Variants in BEND4 observed in about 807,000 individuals in gnomAD.
The protein encoded by BEND4 is BEN domain containing 4, also known as BEN domain-containing protein 4.
A neutral mutation model predicts 54.7 loss-of-function variants in BEND4; 27 were observed. The observed-to-expected ratio is 0.49, with a 90% CI of 0.36 to 0.68. BEND4 has a LOEUF of 0.68. Among genes scored for constraint, BEND4 ranks in the 30% least tolerant of loss-of-function variants. The pLI, the probability that BEND4 is intolerant of heterozygous loss-of-function variation, is 0.00. For missense variants in BEND4, 702 were observed against 697.2 expected, an observed-to-expected ratio of 1.01 and a Z score of -0.08; for synonymous variants, 327 against 299.5, an observed-to-expected ratio of 1.09 and a Z score of -0.95.
intron 4 of BEND4, among the ~76,000 whole-genome samples, chr4:42,123,694 GAAAAAA>G (rs71664396): frequency 2.0e-5 from 1 of 50,808 alleles, no homozygotes; most frequent in African/African-American, 7.5e-5. Flanking sequence ...CTGTAATTCA[GAAAAAA>G]AAAAAAAAAA....
chr4:42,151,242 G>A (rs3923787), intron 2 of BEND4: 32,321 of 159,738 alleles, frequency 0.2, 3,432 homozygotes, highest in African/African-American at 0.26. Flanking sequence ...GGAAGAAGGA[G>A]AAAGGGAAAA....
chr4:42,135,073 C>T (rs1283780281), intron 3 of BEND4, among the ~76,000 whole-genome samples: 1 of 152,104 alleles, frequency 6.6e-6, no homozygotes, highest in Non-Finnish European at 1.5e-5. Flanking sequence ...GGGGAGAGAC[C>T]AGAGTCTGGT....
At chr4:42,120,339 C>T in intron 4 of BEND4, 45 bp from the exon 5 acceptor site, 1 of 1,578,930 alleles carries the variant, frequency 6.3e-7, no homozygotes, top group Admixed American at 1.7e-5. Flanking sequence ...AGCCAGCCAG[C>T]CAGAAGCAGA....
intron 4 of BEND4, among the ~76,000 whole-genome samples, chr4:42,122,337 C>T (rs1235748186): frequency 6.6e-6 from 1 of 152,026 alleles, no homozygotes; most frequent in Non-Finnish European, 1.5e-5. Context: ...GGAGACCAGC[C>T]GTCTCCCACC....
intron 4 of BEND4, among the ~76,000 whole-genome samples, chr4:42,125,318 GCAAACAGA>G (rs1720230008): frequency 6.6e-6 from 1 of 152,182 alleles, no homozygotes; most frequent in African/African-American, 2.4e-5. Context: ...GCATCTCTGT[GCAAACAGA>G]ATGGTGGAAA....
intron 2 of BEND4, among the ~76,000 whole-genome samples, chr4:42,148,667 A>T (rs1169515367): frequency 6.6e-6 from 1 of 152,234 alleles, no homozygotes; most frequent in East Asian, 1.9e-4. Flanking sequence ...GTTGAAGAAG[A>T]TAAAATATCT....
At chr4:42,146,252 G>A (rs973097793) in intron 2 of BEND4, among the ~76,000 whole-genome samples, 3 of 152,108 alleles carry the variant, frequency 2.0e-5, no homozygotes, top group Non-Finnish European at 2.9e-5. Context: ...GTGTGGACTG[G>A]GACCTCCACA....
In BEND4 at chr4:42,121,836, G is replaced by A. The variant is rs190251555; in HGVS notation, c.1147-1542C>T. Among the ~76,000 whole-genome samples the A allele has an allele frequency of 2.2e-4, 34 of 152,294 alleles. No homozygotes were observed. In the East Asian group the frequency reaches 4.8e-3, roughly 22 times the overall value. Reference sequence around the variant, plus strand: ...CAATTCCATGGGCCAGGGTATGTACGGGAGACTGAGGAAGCAAGATGATCC... The same window carrying A: ...CAATTCCATGGGCCAGGGTATGTACAGGAGACTGAGGAAGCAAGATGATCC... On this transcript the variant is annotated intron_variant, in intron 4 of 5. Transcript: ENST00000502486.
intron 3 of BEND4, among the ~76,000 whole-genome samples, chr4:42,128,201 A>G (rs1353852073): frequency 6.6e-6 from 1 of 152,224 alleles, no homozygotes; most frequent in Non-Finnish European, 1.5e-5. Flanking sequence ...AAAAATTTTT[A>G]TAATAAGAGT....
At chr4:42,121,287 T>C (rs953357914) in intron 4 of BEND4, among the ~76,000 whole-genome samples, 1 of 152,164 alleles carries the variant, frequency 6.6e-6, no homozygotes, top group African/African-American at 2.4e-5. Flanking sequence ...GGAAATGGCA[T>C]AGGAACCAAC....
intron 2 of BEND4, among the ~76,000 whole-genome samples, chr4:42,145,763 A>G (rs1273609841): frequency 1.3e-5 from 2 of 152,056 alleles, no homozygotes; most frequent in Non-Finnish European, 1.5e-5. Context: ...AGCATGCCTT[A>G]CATCTCCCAA....
chr4:42,145,355 G>A (rs1721039454), intron 2 of BEND4, among the ~76,000 whole-genome samples: 1 of 152,114 alleles, frequency 6.6e-6, no homozygotes, highest in Non-Finnish European at 1.5e-5. Flanking sequence ...AAGATAGTCA[G>A]AGGAGAGGGG....
intron 2 of BEND4, among the ~76,000 whole-genome samples, chr4:42,149,509 G>A (rs1014839989): frequency 2.4e-4 from 36 of 152,148 alleles, no homozygotes; most frequent in African/African-American, 8.2e-4. Context: ...GTGCTATCAA[G>A]CTTACCCCTC....
At chr4:42,138,896 T>G (rs1207684554) in intron 3 of BEND4, among the ~76,000 whole-genome samples, 1 of 152,250 alleles carries the variant, frequency 6.6e-6, no homozygotes, top group Non-Finnish European at 1.5e-5. Flanking sequence ...AAGATAATTA[T>G]TATGTACAAT....
At chr4:42,137,889 T>A (rs1398125258) in intron 3 of BEND4, among the ~76,000 whole-genome samples, 1 of 152,168 alleles carries the variant, frequency 6.6e-6, no homozygotes, top group East Asian at 1.9e-4. Context: ...AAAACCACTA[T>A]AAGACACCAC....
At chr4:42,150,794 C>T (rs1318985570) in intron 2 of BEND4, among the ~76,000 whole-genome samples, 4 of 152,194 alleles carry the variant, frequency 2.6e-5, no homozygotes, top group Non-Finnish European at 5.9e-5. Flanking sequence ...GAGTCGCGGA[C>T]CCCAGAGTGG....
chr4:42,114,250 C>T lies in BEND4; in HGVS notation c.*3268G>A, dbSNP rs1719705303. The stretch of plus-strand genomic sequence containing the variant: ...CATTTGAGGGTCATCCTGAGCCTGG[C>T]TGGAACTGAGCTTGGGGCTTCAACT... On this transcript the variant is annotated 3_prime_UTR_variant, in exon 6 of 6. Coordinates refer to ENST00000502486, the MANE Select transcript of BEND4 (RefSeq NM_207406.4). The T allele has an allele frequency of 6.6e-6, 1 of 152,196 alleles. No individual in the cohort carries two copies. The allele number at this position is 152,196 out of a possible 1,614,324, so 9.4% of individuals were successfully genotyped here.
chr4:42,152,440 C>A (rs892621840), intron 1 of BEND4, 64 bp from the exon 2 acceptor site: 1 of 169,252 alleles, frequency 5.9e-6, no homozygotes, highest in East Asian at 1.6e-4. Flanking sequence ...ATAATGGGGG[C>A]GGGGCGGGGC....
At position 42,151,958 on chromosome 4, in the gene BEND4, G is replaced by A. The variant is rs1375938460; in HGVS notation, c.186C>T (p.Phe62=). 4.0e-6 allele frequency: 5 copies of A among 1,248,382 alleles called. No individual in the cohort carries two copies. The highest frequency in any genetic ancestry group is 5.0e-6 in the Non-Finnish European group (5 of 992,896). The allele number at this position is 1,248,382 out of a possible 1,614,324, so 77.3% of individuals were successfully genotyped here. A position where few individuals can be genotyped will look rare whatever the true frequency, so the allele number is the denominator to read the frequency against. Residue 62 remains phenylalanine (F), a synonymous_variant, in exon 2 of 6, where the codon TTC becomes TTT. Coordinates refer to ENST00000502486, the MANE Select transcript of BEND4 (RefSeq NM_207406.4). The stretch of plus-strand genomic sequence containing the variant: ...TGATGGAGACGGCGGCGTGCGGCGC[G>A]AAGGGCGGCGGGGGCGGCGGGGGCG... ...VRAPPPPPPP[F]APHAAVSISS...
Sources: gnomAD v4.1 joint callset for allele counts (sites outside exome capture counted in the v4.1 genomes callset) on GRCh38, gnomAD v4.1.1 for gene constraint, MANE v1.5 for transcripts, NCBI Gene and HGNC (gene_info 2026-07-23, HGNC 2026-07-21) for gene names.